GRIP1: variants seen among roughly 807,000 people sequenced by gnomAD.
The protein encoded by GRIP1 is glutamate receptor interacting protein 1.
GRIP1 carries 45 observed loss-of-function variants against 129.9 expected under a neutral mutation model. The observed-to-expected ratio is 0.35, with a 90% CI of 0.27 to 0.44. GRIP1 has a LOEUF of 0.44. GRIP1 is among the 20% of genes least tolerant of loss of function. The probability of loss-of-function intolerance (pLI) is 1.00; values close to 1 mark genes in which losing one functional copy is unlikely to be tolerated. For missense variants in GRIP1, 1,196 were observed against 1,396.8 expected (o/e 0.86, Z 2.29); for synonymous variants, 530 against 520.8 (o/e 1.02, Z -0.24).
At chr12:66,700,393 G>T (rs1310124200) in intron 1 of GRIP1, among the ~76,000 whole-genome samples, 1 of 151,858 alleles carries the variant, frequency 6.6e-6, no homozygotes, top group African/African-American at 2.4e-5. Flanking sequence ...TAGAGAGTGG[G>T]CTTTATCACA....
intron 23 of GRIP1, among the ~76,000 whole-genome samples, chr12:66,357,869 C>T (rs775262772): frequency 6.6e-6 from 1 of 152,122 alleles, no homozygotes; most frequent in African/African-American, 2.4e-5. Flanking sequence ...CAATATGAAC[C>T]TATAAATTTT....
At chr12:66,736,276 C>T (rs558140793) in intron 1 of GRIP1, among the ~76,000 whole-genome samples, 4 of 149,724 alleles carry the variant, frequency 2.7e-5, no homozygotes, top group African/African-American at 9.8e-5. Flanking sequence ...AACTCCTGGG[C>T]TCCAGCAATC....
intron 1 of GRIP1, among the ~76,000 whole-genome samples, chr12:66,897,614 G>T (rs2040772304): frequency 6.6e-6 from 1 of 152,146 alleles, no homozygotes; most frequent in African/African-American, 2.4e-5. Flanking sequence ...ACAGACAAGG[G>T]TTTTCTCTAA....
intron 1 of GRIP1, among the ~76,000 whole-genome samples, chr12:66,870,132 A>C (rs1417772633): frequency 1.3e-5 from 2 of 152,236 alleles, no homozygotes; most frequent in East Asian, 3.9e-4. Context: ...TGGATTGAGA[A>C]CCATCGCTTT....
intron 1 of GRIP1, among the ~76,000 whole-genome samples, chr12:66,624,566 T>C (rs952956731): frequency 2.0e-5 from 3 of 152,148 alleles, no homozygotes; most frequent in Non-Finnish European, 4.4e-5. Flanking sequence ...AAAACAATCA[T>C]TTAGGCTAAG....
intron 1 of GRIP1, among the ~76,000 whole-genome samples, chr12:66,614,049 C>T (rs2064930075): frequency 6.6e-6 from 1 of 152,152 alleles, no homozygotes; most frequent in African/African-American, 2.4e-5. Flanking sequence ...TTCCCACCTG[C>T]CTCACTGACC....
intron 1 of GRIP1, among the ~76,000 whole-genome samples, chr12:66,955,921 C>T (rs560249714): frequency 5.9e-5 from 9 of 152,132 alleles, no homozygotes; most frequent in Non-Finnish European, 1.0e-4. Flanking sequence ...GAAGAGCTTT[C>T]GAGTGAATTA....
chr12:66,588,985 A>AAGTT (rs569305897), intron 2 of GRIP1, among the ~76,000 whole-genome samples: 6 of 86,858 alleles, frequency 6.9e-5, no homozygotes, highest in Non-Finnish European at 1.6e-4. Flanking sequence ...ACAAAAAAAA[A>AAGTT]AATTAAATAA....
intron 23 of GRIP1, among the ~76,000 whole-genome samples, chr12:66,362,727 A>G (rs918048602): frequency 1.3e-5 from 2 of 151,856 alleles, no homozygotes; most frequent in African/African-American, 4.9e-5. Context: ...AGCTATTAAC[A>G]TTTCTGAAGA....
chr12:66,509,949 A>G (rs2060647683), intron 7 of GRIP1, among the ~76,000 whole-genome samples: 1 of 152,072 alleles, frequency 6.6e-6, no homozygotes, highest in Non-Finnish European at 1.5e-5. Flanking sequence ...CCCTGAACTT[A>G]AAAGTTGAAG....
chr12:66,618,315 A>G (rs2065128736), intron 1 of GRIP1, among the ~76,000 whole-genome samples: 2 of 152,182 alleles, frequency 1.3e-5, no homozygotes. Context: ...AAAATTACGA[A>G]TATAAATTTA....
intron 1 of GRIP1, among the ~76,000 whole-genome samples, chr12:67,019,265 A>G (rs1283327369): frequency 6.6e-6 from 1 of 152,214 alleles, no homozygotes; most frequent in Non-Finnish European, 1.5e-5. Flanking sequence ...GAATCTGCTT[A>G]GCAGCTGCAC....
At position 66,392,681 on chromosome 12, in the gene GRIP1, T is replaced by G. The variant is rs777229959; in HGVS notation, c.2265A>C (p.Thr755=). 1 of 1,614,132 alleles carries G rather than the reference T, an allele frequency of 6.2e-7. No individual in the cohort carries two copies. The highest frequency in any genetic ancestry group is 1.1e-5 in the South Asian group (1 of 91,086). Residue 755 remains threonine (T), a synonymous_variant, in exon 18 of 25, where the codon ACA becomes ACC. Transcript: ENST00000359742. ...ETVTLKIKKQ[T]DAQSASSPKK... ...GGCTTTCAATTCACTACTCACCATC[T>G]GTCTGTTTCTTAATTTTCAAGGTGA... is the stretch of plus-strand genomic sequence containing the variant.
chr12:66,601,537 C>T (rs146821767), intron 1 of GRIP1, among the ~76,000 whole-genome samples: 208 of 152,256 alleles, frequency 1.4e-3, no homozygotes, highest in African/African-American at 4.8e-3. Flanking sequence ...CAAAGCTTTG[C>T]TGAAGAAAGA....
intron 7 of GRIP1, among the ~76,000 whole-genome samples, chr12:66,506,628 T>C (rs1451777660): frequency 6.6e-6 from 1 of 152,174 alleles, no homozygotes; most frequent in Non-Finnish European, 1.5e-5. Context: ...ATTTAATAAG[T>C]TGTACAACTA....
chr12:67,049,533 G>A (rs976022596), intron 1 of GRIP1, among the ~76,000 whole-genome samples: 1 of 152,122 alleles, frequency 6.6e-6, no homozygotes, highest in Non-Finnish European at 1.5e-5. Flanking sequence ...GACGCAGGGA[G>A]GGGAACTTCA....
At chr12:66,572,119 A>C (rs1360436937) in intron 2 of GRIP1, among the ~76,000 whole-genome samples, 1 of 152,202 alleles carries the variant, frequency 6.6e-6, no homozygotes, top group East Asian at 1.9e-4. Flanking sequence ...CTCAACAGAA[A>C]GTTTATATTT....
chr12:66,386,596 T>G (rs917668734), intron 19 of GRIP1, among the ~76,000 whole-genome samples: 12 of 151,818 alleles, frequency 7.9e-5, no homozygotes, highest in African/African-American at 2.4e-4. Context: ...ATCGCACCAC[T>G]GCACTCCAGC....
intron 1 of GRIP1, among the ~76,000 whole-genome samples, chr12:67,068,666 A>T (rs534673244): frequency 6.6e-6 from 1 of 151,964 alleles, no homozygotes; most frequent in African/African-American, 2.4e-5. Context: ...AAAGCACTGC[A>T]GGAACCCCCC....
Sources: gnomAD v4.1 joint callset for allele counts (sites outside exome capture counted in the v4.1 genomes callset) on GRCh38, gnomAD v4.1.1 for gene constraint, MANE v1.5 for transcripts, NCBI Gene and HGNC (gene_info 2026-07-23, HGNC 2026-07-21) for gene names.